The following CFL1 variants were observed in gnomAD, a reference collection of about 807,000 sequenced individuals.
CFL1 encodes the protein cofilin-1.
CFL1 carries 2 observed loss-of-function variants against 16.3 expected under a neutral mutation model. The observed-to-expected ratio is 0.12, with a 90% CI of 0.05 to 0.39. CFL1 has a LOEUF of 0.39. Among genes scored for constraint, CFL1 ranks in the 10% least tolerant of loss-of-function variants. The pLI is 0.99. For missense variants in CFL1, 75 were observed against 212.2 expected (o/e 0.35, Z 4.02); for synonymous variants, 111 against 84.4 (o/e 1.31, Z -1.73).
At chr11:65,856,275 G>A in intron 1 of CFL1, 33 bp from the exon 2 acceptor site, 1 of 1,591,674 alleles carries the variant, frequency 6.3e-7, no homozygotes, top group Non-Finnish European at 8.6e-7. Flanking sequence ...GTCAAGAAAA[G>A]GATTCTAGGG....
At chr11:65,857,928 GC>G in intron 1 of CFL1, 168 bp downstream of exon 1, 1 of 556,718 alleles carries the variant, frequency 1.8e-6, no homozygotes, top group Non-Finnish European at 2.8e-6. Flanking sequence ...CCTCCCCGGC[GC>G]CCACGGGCGC....
chr11:65,854,989 G>A lies in CFL1; in HGVS notation c.*347C>T, dbSNP rs1157685279. On this transcript the variant is annotated 3_prime_UTR_variant, in exon 4 of 4. Coordinates refer to ENST00000308162, the MANE Select transcript of CFL1 (RefSeq NM_005507.3). The stretch of plus-strand genomic sequence containing the variant: ...AAGCACAGAGTCACTATTGCGGTTA[G>A]AAGTTGGCAGCATGGGAAGGGGGAG... 6.4e-6 allele frequency: 2 copies of A among 312,626 alleles called. No individual in the cohort carries two copies. The highest frequency in any genetic ancestry group is 4.4e-5 in the Admixed American group (1 of 22,836). 19.4% of individuals were successfully genotyped at this position (312,626 alleles called of 1,614,324 possible).
intron 2 of CFL1, 92 bp from the exon 3 acceptor site, chr11:65,855,822 G>A (rs1030097125): frequency 6.7e-7 from 1 of 1,501,872 alleles, no homozygotes; most frequent in African/African-American, 1.4e-5. Context: ...GGAGTCTTTT[G>A]TTACAACCCC....
At chr11:65,858,039 C>T (rs1859420973) in intron 1 of CFL1, 58 bp downstream of exon 1, 11 of 1,513,480 alleles carry the variant, frequency 7.3e-6, no homozygotes, top group African/African-American at 1.4e-5. Flanking sequence ...AGTCGCTTCC[C>T]GCGCGCAGGC....
chr11:65,855,380 G>C lies in CFL1; in HGVS notation c.457C>G (p.Leu153Val), dbSNP rs1243311586. The C allele has an allele frequency of 6.2e-7, 1 of 1,612,596 alleles. No individual in the cohort carries two copies. ...VKDRCTLAEK[L>V]GGSAVISLEG... ...AGGGAGATGACGGCACTGCCCCCCA[G>C]CTTCTCTGCCAGGGTGCAGCGGTCC... The change falls in exon 4 of 4, where the codon CTG becomes GTG. Residue 153 changes from leucine (L) to valine (V), a missense_variant. By Grantham distance (32) the Leu-to-Val change is conservative. Coordinates refer to ENST00000308162, the MANE Select transcript of CFL1 (RefSeq NM_005507.3).
chr11:65,855,804 G>T, intron 2 of CFL1, 74 bp from the exon 3 acceptor site: 1 of 1,507,058 alleles, frequency 6.6e-7, no homozygotes, highest in South Asian at 1.3e-5. Flanking sequence ...CCCTTGGGCT[G>T]GCAGTGAGGA....
At position 65,855,215 on chromosome 11, in the gene CFL1, A is replaced by G; in HGVS notation, c.*121T>C. ...TCTGTTTGGCAACTGGGGTGAAGGG[A>G]TTGCCCTCCCCCTGCTGGGATCCCC... On this transcript the variant is annotated 3_prime_UTR_variant, in exon 4 of 4. Transcript: ENST00000308162. 1.3e-6 allele frequency: 1 copy of G among 749,260 alleles called. No individual in the cohort carries two copies. The highest frequency in any genetic ancestry group is 1.6e-5 in the South Asian group (1 of 62,032). The allele number at this position is 749,260 out of a possible 1,614,324, so 46.4% of individuals were successfully genotyped here.
At chr11:65,857,509 A>G in intron 1 of CFL1, 1 of 336,246 alleles carries the variant, frequency 3.0e-6, no homozygotes, top group Non-Finnish European at 6.4e-6. Context: ...TTGCGGTGCA[A>G]GGCCTTAATC....
intron 1 of CFL1, chr11:65,856,754 C>A (rs1776758984): frequency 6.4e-6 from 1 of 156,864 alleles, no homozygotes; most frequent in Non-Finnish European, 1.4e-5. Flanking sequence ...ACACAAACGA[C>A]CCCTGTTCCC....
intron 1 of CFL1, chr11:65,856,520 C>A (rs1859388245): frequency 2.5e-6 from 1 of 400,082 alleles, no homozygotes; most frequent in Admixed American, 4.2e-5. Context: ...AAAATGTGAA[C>A]CCAGAATTAA....
Position 65,856,230 on chromosome 11 carries a change from C to T in CFL1, c.16G>A (p.Ala6Thr). 6.2e-7 allele frequency: 1 copy of T among 1,613,484 alleles called. No individual in the cohort carries two copies. Among genetic ancestry groups the T allele is most frequent in the Non-Finnish European group, 8.5e-7 (1 of 1,179,410 alleles). Residue 6 changes from alanine (A) to threonine (T), a missense_variant, in exon 2 of 4, where the codon GCT (alanine) becomes ACT (threonine). By Grantham distance (58) the Ala-to-Thr change is moderately conservative. Coordinates refer to ENST00000308162, the MANE Select transcript of CFL1 (RefSeq NM_005507.3). ...ACCTTGATGACACCATCAGAGACAG[C>T]CACACCGGAGGCCTAGGAGACATGC... Reference protein sequence around the residue: MASGVAVSDGVIKVFN... With the variant: MASGVTVSDGVIKVFN...
At position 65,855,176 on chromosome 11, in the gene CFL1, C is replaced by T. The variant is rs11550155; in HGVS notation, c.*160G>A. 1.6e-6 allele frequency: 1 copy of T among 608,396 alleles called. No individual in the cohort carries two copies. Among genetic ancestry groups the T allele is most frequent in the Admixed American group, 2.9e-5 (1 of 34,424 alleles). The allele number at this position is 608,396 out of a possible 1,614,324, so 37.7% of individuals were successfully genotyped here. A position where few individuals can be genotyped will look rare whatever the true frequency, so the allele number is the denominator to read the frequency against. ...AAGGGATGGAGGGAGAAGGAAAATCCAGGGGGTGGGGGGTCTGTTTGGCAA... is the reference window on the plus strand; with the variant it reads ...AAGGGATGGAGGGAGAAGGAAAATCTAGGGGGTGGGGGGTCTGTTTGGCAA... On this transcript the variant is annotated 3_prime_UTR_variant, in exon 4 of 4. Coordinates refer to ENST00000308162, the MANE Select transcript of CFL1 (RefSeq NM_005507.3).
At chr11:65,857,585 G>A (rs973892618) in intron 1 of CFL1, 3 of 212,224 alleles carry the variant, frequency 1.4e-5, no homozygotes, top group African/African-American at 2.4e-5. Context: ...GCCAGCACCC[G>A]CCCCTCCCGG....
chr11:65,855,814 A>AG, intron 2 of CFL1, 84 bp from the exon 3 acceptor site: 1 of 1,501,982 alleles, frequency 6.7e-7, no homozygotes, highest in African/African-American at 1.4e-5. Flanking sequence ...GGCAGTGAGG[A>AG]GTCTTTTGTT....
In CFL1 at chr11:65,855,692, TA is replaced by T; in HGVS notation, c.349del (p.Tyr117MetfsTer12). On this transcript the variant is annotated frameshift_variant, in exon 3 of 4. Coordinates refer to ENST00000308162, the MANE Select transcript of CFL1 (RefSeq NM_005507.3). LOFTEE classifies it high-confidence loss of function. Reference protein sequence around the residue: ...ESAPLKSKMIYASSKDAIKKK... With the variant: ...ESAPLKSKMIXASSKDAIKKK... ...CTTGATGGCGTCCTTGGAGCTGGCA[TA>T]AATCATTTTGCTCTTAAGGGGCGCA... 1 of 1,571,956 alleles carries T rather than the reference TA, an allele frequency of 6.4e-7. No individual in the cohort carries two copies. The highest frequency in any genetic ancestry group is 8.6e-7 in the Non-Finnish European group (1 of 1,160,356).
intron 1 of CFL1, 187 bp downstream of exon 1, chr11:65,857,910 A>G (rs1021557896): frequency 2.3e-6 from 1 of 442,520 alleles, no homozygotes; most frequent in East Asian, 4.0e-5. Flanking sequence ...AGCGACGTCC[A>G]GACCGGCCCT....
In CFL1 at chr11:65,855,709, A is replaced by G. The variant is rs748516891; in HGVS notation, c.333T>C (p.Leu111=). 1.3e-6 allele frequency: 2 copies of G among 1,564,146 alleles called. No individual in the cohort carries two copies. Among genetic ancestry groups the G allele is most frequent in the Non-Finnish European group, 1.7e-6 (2 of 1,156,938 alleles). Residue 111 remains leucine, a synonymous_variant, in exon 3 of 4, where the codon CTT becomes CTC. Transcript: ENST00000308162. ...FIFWAPESAP[L]KSKMIYASSK... ...AGCTGGCATAAATCATTTTGCTCTT[A>G]AGGGGCGCAGACTCGGGGGCCCTGG...
intron 2 of CFL1, 50 bp from the exon 3 acceptor site, chr11:65,855,780 GTGACT>G: frequency 6.6e-7 from 1 of 1,521,930 alleles, no homozygotes; most frequent in Non-Finnish European, 8.8e-7. Flanking sequence ...AAAGCCACAG[GTGACT>G]TTGAGAAACC....
At position 65,855,829 on chromosome 11, in the gene CFL1, C is replaced by A. The variant is rs1859375859; in HGVS notation, c.312-99G>T. 6.0e-6 allele frequency: 9 copies of A among 1,496,174 alleles called. No homozygotes were observed. The Admixed American group carries it at 1.2e-4, about 20-fold the overall frequency. The allele number at this position is 1,496,174 out of a possible 1,614,324, so 92.7% of individuals were successfully genotyped here. A position where few individuals can be genotyped will look rare whatever the true frequency, so the allele number is the denominator to read the frequency against. ...GGCAGTGAGGAGTCTTTTGTTACAA[C>A]CCCCTCCCCCTCCAAACCCACACAT... On this transcript the variant is annotated intron_variant, in intron 2 of 3. Transcript: ENST00000308162.
Sources: gnomAD v4.1 joint callset for allele counts on GRCh38, gnomAD v4.1.1 for gene constraint, MANE v1.5 for transcripts, NCBI Gene and HGNC (gene_info 2026-07-23, HGNC 2026-07-21) for gene names.